FHAD1: variants seen among roughly 807,000 people sequenced by gnomAD.
The protein encoded by FHAD1 is forkhead-associated domain-containing protein 1.
In FHAD1, 146 loss-of-function variants were observed where a neutral mutation model predicts 191.3. That is an observed-to-expected ratio of 0.76 (90% CI 0.67 to 0.88). The LOEUF is 0.88. Ranked by LOEUF, FHAD1 falls within the 40% of genes least tolerant of loss-of-function variation. FHAD1 has a pLI of 0.00. For synonymous variants in FHAD1, 616 were observed against 672.3 expected (o/e 0.92, Z 1.29); for missense variants, 1,635 against 1,785.8 (o/e 0.92, Z 1.52).
At chr1:15,292,978 T>A (rs1380890741) in intron 4 of FHAD1, among the ~76,000 whole-genome samples, 4 of 152,194 alleles carry the variant, frequency 2.6e-5, no homozygotes, top group African/African-American at 9.6e-5. Context: ...TTTCTGTTAT[T>A]GAGCCCCCTA....
At chr1:15,382,813 C>G (rs1701216454) in intron 31 of FHAD1, among the ~76,000 whole-genome samples, 1 of 152,202 alleles carries the variant, frequency 6.6e-6, no homozygotes, top group African/African-American at 2.4e-5. Context: ...CCGCCAGTGA[C>G]CGCAAAGGAG....
intron 28 of FHAD1, 128 bp downstream of exon 28, chr1:15,375,858 C>T: frequency 9.2e-7 from 1 of 1,081,240 alleles, no homozygotes; most frequent in Non-Finnish European, 1.3e-6. Flanking sequence ...TGTCTATACT[C>T]ACTAGCTGGG....
At chr1:15,359,496 C>T (rs146782833) in intron 21 of FHAD1, among the ~76,000 whole-genome samples, 1 of 152,098 alleles carries the variant, frequency 6.6e-6, no homozygotes, top group Non-Finnish European at 1.5e-5. Flanking sequence ...AGGTTGTAGG[C>T]ATGGGAAAGC....
intron 2 of FHAD1, among the ~76,000 whole-genome samples, chr1:15,262,405 A>AG (rs1231538909): frequency 1.3e-5 from 2 of 152,204 alleles, no homozygotes; most frequent in Non-Finnish European, 2.9e-5. Flanking sequence ...TGAGGTCCCA[A>AG]GGGAATAGAT....
In FHAD1 at chr1:15,390,810, T is replaced by C. The variant is rs1342423589; in HGVS notation, c.4270-400T>C. On this transcript the variant is annotated intron_variant, in intron 32 of 33. Coordinates refer to ENST00000688493, the MANE Select transcript of FHAD1 (RefSeq NM_001391957.1). Reference sequence around the variant, plus strand: ...CATGGGCCCCACCATCCCTGAGCCATTGGGATACCGAGGTGTGAACCACCG... The same window carrying C: ...CATGGGCCCCACCATCCCTGAGCCACTGGGATACCGAGGTGTGAACCACCG... 2.6e-5 allele frequency among the ~76,000 whole-genome samples: 4 copies of C among 152,158 alleles called. No individual in the cohort carries two copies. In the East Asian group the frequency reaches 5.8e-4, roughly 22 times the overall value.
chr1:15,365,716 C>A, intron 23 of FHAD1, 111 bp from the exon 24 acceptor site: 2 of 675,624 alleles, frequency 3.0e-6, no homozygotes, highest in Non-Finnish European at 2.6e-6. Flanking sequence ...ACTGGCGTTG[C>A]ATGGACCGTG....
At chr1:15,331,670 G>A (rs1051323427) in intron 14 of FHAD1, among the ~76,000 whole-genome samples, 2 of 151,352 alleles carry the variant, frequency 1.3e-5, no homozygotes, top group African/African-American at 4.9e-5. Flanking sequence ...AGGGAAGGCA[G>A]GAGGGAAGGC....
Position 15,332,131 on chromosome 1 carries a change from C to G in FHAD1, c.1906+2590C>G, listed in dbSNP as rs549629212. Among the ~76,000 whole-genome samples, 4 of 152,288 alleles carry G rather than the reference C, an allele frequency of 2.6e-5. 1 individual carries two copies. The highest frequency in any genetic ancestry group is 2.6e-4 in the Admixed American group (4 of 15,302). The stretch of plus-strand genomic sequence containing the variant: ...GGGTAACATTCTTAAAAAGCAAAAG[C>G]AAAACCAACATTAATTTTTATGTAG... On this transcript the variant is annotated intron_variant, in intron 14 of 33. Coordinates refer to ENST00000688493, the MANE Select transcript of FHAD1 (RefSeq NM_001391957.1).
At chr1:15,244,746 T>C (rs1474193616), upstream of FHAD1, among the ~76,000 whole-genome samples, 3 of 152,060 alleles carry the variant, frequency 2.0e-5, no homozygotes, top group African/African-American at 7.3e-5. This position sits in a 1 kb window ranked among gnomAD's most constrained non-coding sequence, Gnocchi z 5.1. Context: ...GGAGTTTAGA[T>C]TCTACCAGGG....
At position 15,311,846 on chromosome 1, in the gene FHAD1, G is replaced by A. The variant is rs1672366874; in HGVS notation, c.1040-1211G>A. Among the ~76,000 whole-genome samples, 3 of 152,292 alleles carry A rather than the reference G, an allele frequency of 2.0e-5. 1 individual carries two copies. The South Asian group carries it at 6.2e-4, about 32-fold the overall frequency. On this transcript the variant is annotated intron_variant, in intron 7 of 33. Coordinates refer to ENST00000688493, the MANE Select transcript of FHAD1 (RefSeq NM_001391957.1). This position sits in a 1 kb window ranked among gnomAD's most constrained non-coding sequence, Gnocchi z 4.1. ...AATATGTTTATCTTACCCGGTTTCT[G>A]TGGTTCAGGAACTTGGGAGTGACTT...
chr1:15,360,572 T>C lies in FHAD1; in HGVS notation c.2831T>C (p.Ile944Thr), dbSNP rs1426511288. 1.3e-6 allele frequency: 2 copies of C among 1,551,794 alleles called. No individual in the cohort carries two copies. Among genetic ancestry groups the C allele is most frequent in the African/African-American group, 2.7e-5 (2 of 72,946 alleles). The change falls in exon 22 of 34, where the codon ATC (isoleucine) becomes ACC (threonine). Residue 944 changes from isoleucine (I) to threonine (T), a missense_variant. Transcript: ENST00000688493. ...ESQRHGFEEE[I>T]MEYKEQIKQH... ...CAGAGACACGGGTTTGAAGAAGAGA[T>C]CATGGAATATAAGGAGCAAATCAAA...
At chr1:15,387,192 A>T (rs533621432) in intron 31 of FHAD1, among the ~76,000 whole-genome samples, 1 of 152,124 alleles carries the variant, frequency 6.6e-6, no homozygotes, top group African/African-American at 2.4e-5. Context: ...CTCAGCCATC[A>T]TATCAGTACT....
Position 15,289,354 on chromosome 1 carries a change from T to G in FHAD1, c.301-45T>G, listed in dbSNP as rs1471543960. ...GGCTGGGACAAAGAAATGGAGACCA[T>G]CCCAGCCGGTCATAACCTCCCCTGA... On this transcript the variant is annotated intron_variant, in intron 3 of 33. Coordinates refer to ENST00000688493, the MANE Select transcript of FHAD1 (RefSeq NM_001391957.1). The surrounding 1 kb of genome is among the most constrained non-coding windows in gnomAD (Gnocchi z 4.2). 19 of 1,532,506 alleles carry G rather than the reference T, an allele frequency of 1.2e-5. No individual in the cohort carries two copies. Among genetic ancestry groups the G allele is most frequent in the Non-Finnish European group, 1.5e-5 (17 of 1,135,374 alleles). 94.9% of individuals were successfully genotyped at this position (1,532,506 alleles called of 1,614,324 possible).
rs1341285400 is a variant in FHAD1, at chr1:15,375,858, C to G, written c.3705+128C>G. 21 of 1,081,240 alleles carry G rather than the reference C, an allele frequency of 1.9e-5. No homozygotes were observed. In the Admixed American group the frequency reaches 5.4e-4, roughly 28 times the overall value. The allele number at this position is 1,081,240 out of a possible 1,614,324, so 67.0% of individuals were successfully genotyped here. ...TTTGGGGCTGGCTGCTGTCTATACT[C>G]ACTAGCTGGGGCCCCGACCATACCC... On this transcript the variant is annotated intron_variant, in intron 28 of 33. Transcript: ENST00000688493.
At chr1:15,383,258 C>G (rs1701338148) in intron 31 of FHAD1, 3 of 468,860 alleles carry the variant, frequency 6.4e-6, no homozygotes, top group Non-Finnish European at 1.3e-5. Flanking sequence ...CGTCATACCT[C>G]AGGAGCCAAG....
intron 11 of FHAD1, chr1:15,324,840 C>T (rs1019878391): frequency 3.4e-5 from 16 of 467,846 alleles, no homozygotes; most frequent in African/African-American, 3.1e-4. Flanking sequence ...CCCAGTTAAC[C>T]GAGCTCCTTG....
At chr1:15,380,884 C>A in intron 29 of FHAD1, 88 bp downstream of exon 29, 1 of 902,302 alleles carries the variant, frequency 1.1e-6, no homozygotes, top group Non-Finnish European at 1.7e-6. Flanking sequence ...TAAATATCAA[C>A]CTCACATGCC....
At position 15,317,915 on chromosome 1, in the gene FHAD1, G is replaced by C. The variant is rs1028382422; in HGVS notation, c.1352G>C (p.Arg451Thr). 8 of 1,550,968 alleles carry C rather than the reference G, an allele frequency of 5.2e-6. No individual in the cohort carries two copies. The African/African-American group carries it at 1.1e-4, about 21-fold the overall frequency. ...CAAAGCGTGATCTCTAGGACTCTGA[G>C]AGAAAAAAGCAAGGTACGTAGTGGA... ...TEQSVISRTL[R>T]EKSKVEEKLQ... The change falls in exon 10 of 34, where the codon AGA (arginine) becomes ACA (threonine). Residue 451 changes from arginine to threonine, a missense_variant. Coordinates refer to ENST00000688493, the MANE Select transcript of FHAD1 (RefSeq NM_001391957.1).
intron 2 of FHAD1, among the ~76,000 whole-genome samples, chr1:15,261,937 G>A (rs1475501670): frequency 6.6e-6 from 1 of 152,112 alleles, no homozygotes; most frequent in Admixed American, 6.5e-5. Context: ...GTTCAAGGCT[G>A]TATTATGCTT....
Sources: gnomAD v4.1 joint callset for allele counts (sites outside exome capture counted in the v4.1 genomes callset) on GRCh38, gnomAD v4.1.1 for gene constraint, Gnocchi (gnomAD v3.1) non-coding constraint, MANE v1.5 for transcripts, NCBI Gene and HGNC (gene_info 2026-07-23, HGNC 2026-07-21) for gene names.